CPA4: variants seen among roughly 807,000 people sequenced by gnomAD.
The protein encoded by CPA4 is carboxypeptidase A4.
A neutral mutation model predicts 54.7 loss-of-function variants in CPA4; 49 were observed. The observed-to-expected ratio is 0.90, with a 90% CI of 0.71 to 1.14. The LOEUF (loss-of-function observed/expected upper bound fraction) is 1.14, where lower values mean the gene tolerates loss of function less well. Among genes scored for constraint, CPA4 ranks in the 50% most tolerant of loss-of-function variants. The pLI is 0.00. For missense variants in CPA4, 487 were observed against 525.1 expected (o/e 0.93, Z 0.71); for synonymous variants, 215 against 206.8 (o/e 1.04, Z -0.34).
rs748410535 is a variant in CPA4 at position 130,299,479 on chromosome 7, T to C, written c.285+75T>C. 314 of 1,384,880 alleles carry C rather than the reference T, an allele frequency of 2.3e-4. 1 individual carries two copies. Among genetic ancestry groups the C allele is most frequent in the Non-Finnish European group, 3.0e-4 (296 of 986,376 alleles). 85.8% of individuals were successfully genotyped at this position (1,384,880 alleles called of 1,614,324 possible). On this transcript the variant is annotated intron_variant, in intron 3 of 10. Coordinates refer to ENST00000222482, the MANE Select transcript of CPA4 (RefSeq NM_016352.4). ...CCAGTCCAGAGTAGACCGGAGTGAT[T>C]TGCAAGTTCTGGTTTTATCCTTTTC... is the stretch of plus-strand genomic sequence containing the variant.
intron 10 of CPA4, among the ~76,000 whole-genome samples, chr7:130,322,106 G>T (rs775605433): frequency 6.6e-6 from 1 of 152,168 alleles, no homozygotes; most frequent in East Asian, 1.9e-4. Context: ...ACACTAGTGA[G>T]GTCAGCCCTA....
At chr7:130,298,583 C>T (rs1273372239) in intron 1 of CPA4, among the ~76,000 whole-genome samples, 163 bp from the exon 2 acceptor site, 2 of 152,130 alleles carry the variant, frequency 1.3e-5, no homozygotes, top group African/African-American at 4.8e-5. Flanking sequence ...TTCATAGTTG[C>T]CATGTAGCCT....
chr7:130,320,497 C>T (rs1794073873), intron 10 of CPA4, among the ~76,000 whole-genome samples: 2 of 152,176 alleles, frequency 1.3e-5, no homozygotes, highest in Non-Finnish European at 2.9e-5. Context: ...GGGAACCACA[C>T]AGGGAGGGAG....
rs939868300 is a variant in CPA4, at chr7:130,316,045, G to A, written c.1078+3923G>A. ...AATTGTGCCCCCGCCATAACTAGTT[G>A]CTATATTTGGTGTTTAGGATAAAAG... On this transcript the variant is annotated intron_variant, in intron 10 of 10. Coordinates refer to ENST00000222482, the MANE Select transcript of CPA4 (RefSeq NM_016352.4). Among the ~76,000 whole-genome samples, 3 of 152,124 alleles carry A rather than the reference G, an allele frequency of 2.0e-5. No homozygotes were observed. The East Asian group carries it at 5.8e-4, about 29-fold the overall frequency.
At chr7:130,320,405 C>A (rs1020432887) in intron 10 of CPA4, among the ~76,000 whole-genome samples, 1 of 152,186 alleles carries the variant, frequency 6.6e-6, no homozygotes, top group Non-Finnish European at 1.5e-5. Flanking sequence ...GAAATACTTG[C>A]ACTTGCCATA....
In CPA4 at chr7:130,322,868, C is replaced by T; in HGVS notation, c.*192C>T. 2.0e-6 allele frequency: 1 copy of T among 498,958 alleles called. No individual in the cohort carries two copies. Among genetic ancestry groups the T allele is most frequent in the East Asian group, 3.2e-5 (1 of 31,410 alleles). 30.9% of individuals were successfully genotyped at this position (498,958 alleles called of 1,614,324 possible). The stretch of plus-strand genomic sequence containing the variant: ...GTGTCCCTGCAAGAACTGGTTCTGC[C>T]AGCCTGCTCAATTTTGGTCCTGCTG... On this transcript the variant is annotated 3_prime_UTR_variant, in exon 11 of 11. Transcript: ENST00000222482.
Position 130,308,850 on chromosome 7 carries a change from C to CTTTT in CPA4, c.793+465_793+468dup, listed in dbSNP as rs1249548992. 1.2e-4 allele frequency among the ~76,000 whole-genome samples: 14 copies of CTTTT among 120,284 alleles called. 1 individual carries two copies. Among genetic ancestry groups the CTTTT allele is most frequent in the African/African-American group, 4.6e-4 (13 of 28,092 alleles). The allele number at this position is 120,284 out of a possible 152,430, so 78.9% of individuals were successfully genotyped here. A position where few individuals can be genotyped will look rare whatever the true frequency, so the allele number is the denominator to read the frequency against. ...ATAGCCGTAAGCCACCTAGCCCAGC[C>CTTTT]TTTTTTTTTTTTTTTGAGACAGAGT... On this transcript the variant is annotated intron_variant, in intron 8 of 10. Transcript: ENST00000222482.
Position 130,293,205 on chromosome 7 carries a change from G to T in CPA4, c.25G>T (p.Ala9Ser). MRWILFIG[A>S]LIGSSICGQE... ...CATGAGGTGGATACTGTTCATTGGG[G>T]CCCTTATTGGGTCCAGCATCTGTGG... The change falls in exon 1 of 11, where the codon GCC becomes TCC. Residue 9 changes from alanine to serine, a missense_variant. Coordinates refer to ENST00000222482, the MANE Select transcript of CPA4 (RefSeq NM_016352.4). 1.2e-6 allele frequency: 2 copies of T among 1,612,318 alleles called. No individual in the cohort carries two copies. Among genetic ancestry groups the T allele is most frequent in the Admixed American group, 1.7e-5 (1 of 60,004 alleles).
At chr7:130,309,127 T>C (rs1370364352) in intron 8 of CPA4, among the ~76,000 whole-genome samples, 1 of 152,216 alleles carries the variant, frequency 6.6e-6, no homozygotes, top group Non-Finnish European at 1.5e-5. Context: ...ATTACAGGCA[T>C]GAGCCATCGC....
Position 130,299,412 on chromosome 7 carries a change from G to A in CPA4, c.285+8G>A. On this transcript the variant is annotated splice_region_variant and intron_variant, in intron 3 of 10. Coordinates refer to ENST00000222482, the MANE Select transcript of CPA4 (RefSeq NM_016352.4). ...ACAATTGAGGACCTGCAGGTAGGTAGACTATGCCTCCTGCCTCCTGCTCTT... is the reference window on the plus strand; with the variant it reads ...ACAATTGAGGACCTGCAGGTAGGTAAACTATGCCTCCTGCCTCCTGCTCTT... 1 of 1,613,514 alleles carries A rather than the reference G, an allele frequency of 6.2e-7. No individual in the cohort carries two copies. Among genetic ancestry groups the A allele is most frequent in the East Asian group, 2.2e-5 (1 of 44,876 alleles).
intron 10 of CPA4, among the ~76,000 whole-genome samples, chr7:130,316,897 G>A (rs1178006828): frequency 7.1e-5 from 8 of 112,894 alleles, no homozygotes; most frequent in Middle Eastern, 0.013. Flanking sequence ...CTACAAGAGC[G>A]AAACTCTGTC....
At chr7:130,300,154 T>G (rs1037808324) in intron 3 of CPA4, among the ~76,000 whole-genome samples, 2 of 152,176 alleles carry the variant, frequency 1.3e-5, no homozygotes, top group African/African-American at 4.8e-5. Context: ...CGAGTGGTTA[T>G]AAGAATTTCT....
intron 5 of CPA4, among the ~76,000 whole-genome samples, chr7:130,305,290 A>G (rs561656075): frequency 5.9e-5 from 9 of 152,274 alleles, no homozygotes; most frequent in African/African-American, 2.2e-4. Flanking sequence ...ATTTTTGCCA[A>G]TCTGTTGGAG....
chr7:130,303,385 T>C (rs529688636), intron 4 of CPA4, among the ~76,000 whole-genome samples: 2 of 152,380 alleles, frequency 1.3e-5, no homozygotes, highest in South Asian at 4.1e-4. Flanking sequence ...GTAAGCAAGA[T>C]AGTCCACTGG....
rs146719569 is a variant in CPA4 at position 130,304,273 on chromosome 7, A to T, written c.385-205A>T. ...TTAGTGGACTACAATTTTGTGAACA[A>T]ACAAGTGTGCTACTCTCCAGAAAAT... On this transcript the variant is annotated intron_variant, in intron 4 of 10. Transcript: ENST00000222482. 9.8e-5 allele frequency among the ~76,000 whole-genome samples: 15 copies of T among 152,332 alleles called. No individual in the cohort carries two copies. The East Asian group carries it at 2.5e-3, about 25-fold the overall frequency.
chr7:130,307,228 C>T (rs1793835994), intron 7 of CPA4, among the ~76,000 whole-genome samples: 1 of 145,686 alleles, frequency 6.9e-6, no homozygotes, highest in African/African-American at 2.6e-5. Context: ...GTACGCATCT[C>T]TAACTGACGA....
intron 1 of CPA4, among the ~76,000 whole-genome samples, chr7:130,294,254 A>G (rs758761962): frequency 1.3e-5 from 2 of 152,244 alleles, no homozygotes; most frequent in African/African-American, 2.4e-5. Context: ...ACACAAGTTC[A>G]TCTCCAAATA....
In CPA4 at chr7:130,322,613, T is replaced by G; in HGVS notation, c.1203T>G (p.Thr401=). 1 of 1,614,190 alleles carries G rather than the reference T, an allele frequency of 6.2e-7. No individual in the cohort carries two copies. Among genetic ancestry groups the G allele is most frequent in the Non-Finnish European group, 8.5e-7 (1 of 1,180,026 alleles). Residue 401 remains threonine, a synonymous_variant, in exon 11 of 11, where the codon ACT becomes ACG. Coordinates refer to ENST00000222482, the MANE Select transcript of CPA4 (RefSeq NM_016352.4). ...TGCCAGCTAACCAGATCATCCCCACTGCAGAGGAGACGTGGCTGGGGCTGA... is the reference window on the plus strand; with the variant it reads ...TGCCAGCTAACCAGATCATCCCCACGGCAGAGGAGACGTGGCTGGGGCTGA... The part of the protein sequence containing the change: ...FLLPANQIIP[T]AEETWLGLKT...
intron 10 of CPA4, among the ~76,000 whole-genome samples, chr7:130,316,494 T>C (rs193026717): frequency 1.3e-5 from 2 of 152,190 alleles, no homozygotes; most frequent in Non-Finnish European, 2.9e-5. Context: ...CCCTTAAAGA[T>C]GGCATATCCT....
Sources: gnomAD v4.1 joint callset for allele counts (sites outside exome capture counted in the v4.1 genomes callset) on GRCh38, gnomAD v4.1.1 for gene constraint, MANE v1.5 for transcripts, NCBI Gene and HGNC (gene_info 2026-07-23, HGNC 2026-07-21) for gene names.